The following LRRC7 variants were observed in gnomAD, a reference collection of about 807,000 sequenced individuals.
LRRC7 encodes leucine-rich repeat-containing protein 7.
A neutral mutation model predicts 175.7 loss-of-function variants in LRRC7; 23 were observed. The ratio of observed to expected loss-of-function variants is 0.13; its 90% CI spans 0.09 to 0.19. LRRC7 has a LOEUF of 0.19. LRRC7 is among the 10% of genes least tolerant of loss of function. The probability of loss-of-function intolerance (pLI) is 1.00; values close to 1 mark genes in which losing one functional copy is unlikely to be tolerated. For missense variants in LRRC7, 1,354 were observed against 1,904.7 expected (o/e 0.71, Z 5.38); for synonymous variants, 685 against 680.9 (o/e 1.01, Z -0.09).
chr1:69,636,424 G>GACACACAC (rs55772671), intron 1 of LRRC7, among the ~76,000 whole-genome samples: 42 of 150,702 alleles, frequency 2.8e-4, no homozygotes, highest in African/African-American at 8.5e-4. Context: ...TCCAGGCACA[G>GACACACAC]ACACACACAC....
chr1:69,900,156 A>G (rs1646094329), intron 7 of LRRC7, among the ~76,000 whole-genome samples: 1 of 152,222 alleles, frequency 6.6e-6, no homozygotes, highest in Non-Finnish European at 1.5e-5. Flanking sequence ...CCTGCAGGCT[A>G]TCAGCTGCAA....
chr1:69,730,914 T>A (rs1452082446), intron 2 of LRRC7, among the ~76,000 whole-genome samples: 2 of 152,080 alleles, frequency 1.3e-5, no homozygotes, highest in Admixed American at 6.5e-5. Flanking sequence ...CTCAGAAAAC[T>A]TACAATCATA....
At chr1:69,738,759 G>C (rs2100844666) in intron 2 of LRRC7, among the ~76,000 whole-genome samples, 1 of 152,142 alleles carries the variant, frequency 6.6e-6, no homozygotes, top group Non-Finnish European at 1.5e-5. Context: ...CACAGAAAGA[G>C]CTAAACTGCT....
At chr1:69,572,827 CT>C (rs1645791778) in intron 1 of LRRC7, among the ~76,000 whole-genome samples, 1 of 151,920 alleles carries the variant, frequency 6.6e-6, no homozygotes, top group Non-Finnish European at 1.5e-5. Flanking sequence ...GAAGTATAAA[CT>C]TTTTTGTATA....
intron 16 of LRRC7, among the ~76,000 whole-genome samples, chr1:70,021,871 C>T (rs1657538570): frequency 6.6e-6 from 1 of 152,098 alleles, no homozygotes; most frequent in African/African-American, 2.4e-5. Flanking sequence ...CATCTTGAAT[C>T]TCTCATTTAC....
chr1:69,662,239 A>G (rs1657576630), intron 1 of LRRC7, among the ~76,000 whole-genome samples: 1 of 151,396 alleles, frequency 6.6e-6, no homozygotes, highest in African/African-American at 2.4e-5. Context: ...TAGGGCATAC[A>G]TTTATTGCTA....
intron 26 of LRRC7, among the ~76,000 whole-genome samples, chr1:70,115,355 T>C (rs1665781940): frequency 6.6e-6 from 1 of 152,182 alleles, no homozygotes; most frequent in African/African-American, 2.4e-5. Flanking sequence ...GTGATAGTTT[T>C]TGTTATCGTT....
At chr1:70,119,686 G>A (rs1027750761) in intron 26 of LRRC7, among the ~76,000 whole-genome samples, 1 of 139,580 alleles carries the variant, frequency 7.2e-6, no homozygotes, top group East Asian at 2.1e-4. Flanking sequence ...ACGATGTCAA[G>A]TATGATGATG....
intron 17 of LRRC7, among the ~76,000 whole-genome samples, chr1:70,025,841 G>T (rs76124331): frequency 7.2e-6 from 1 of 139,630 alleles, no homozygotes; most frequent in South Asian, 2.7e-4. Flanking sequence ...AGGGGGGGGG[G>T]GTCCTCTTTC....
intron 1 of LRRC7, among the ~76,000 whole-genome samples, chr1:69,649,251 T>A (rs1343916450): frequency 1.3e-5 from 2 of 152,212 alleles, no homozygotes; most frequent in East Asian, 3.9e-4. Context: ...TAGTAACTTA[T>A]TTACTTCATA....
Position 69,838,236 on chromosome 1 carries a change from A to G in LRRC7, c.600A>G (p.Lys200=), listed in dbSNP as rs560214067. The change falls in exon 7 of 27, where the codon AAA becomes AAG. Residue 200 remains lysine, a synonymous_variant. Transcript: ENST00000651989. ...FLPANFGRLV[K]LRILELRENH... ...AAATTCATTTCTGTAGACTTGTCAA[A>G]TTGCGGATCTTGGAGTTAAGAGAAA... 1.2e-6 allele frequency: 2 copies of G among 1,608,794 alleles called. No homozygotes were observed. The highest frequency in any genetic ancestry group is 1.7e-5 in the Admixed American group (1 of 59,704).
At chr1:69,640,187 A>G (rs1036522596) in intron 1 of LRRC7, among the ~76,000 whole-genome samples, 1 of 151,788 alleles carries the variant, frequency 6.6e-6, no homozygotes, top group Non-Finnish European at 1.5e-5. Context: ...GGTACCAGAT[A>G]ACATCCATTT....
chr1:69,608,195 T>C (rs973920923), intron 1 of LRRC7: 30 of 152,382 alleles, frequency 2.0e-4, no homozygotes, highest in African/African-American at 7.2e-4. Context: ...GCATAGCATA[T>C]CTACAAAAAA....
intron 1 of LRRC7, among the ~76,000 whole-genome samples, chr1:69,618,761 C>T (rs1354838241): frequency 6.6e-6 from 1 of 152,152 alleles, no homozygotes; most frequent in Non-Finnish European, 1.5e-5. Flanking sequence ...GATATTTTCT[C>T]ATCACTTCGC....
intron 11 of LRRC7, 99 bp downstream of exon 11, chr1:69,994,732 A>G: frequency 1.4e-6 from 1 of 717,970 alleles, no homozygotes; most frequent in Non-Finnish European, 2.4e-6. Flanking sequence ...TAAAGATACC[A>G]ATAATCCTGT....
At chr1:69,904,423 G>A (rs908361761) in intron 7 of LRRC7, among the ~76,000 whole-genome samples, 4 of 151,864 alleles carry the variant, frequency 2.6e-5, no homozygotes, top group Admixed American at 6.6e-5. Flanking sequence ...TTATAAACTT[G>A]GAAATCACTC....
At chr1:69,881,075 A>G (rs956364825) in intron 7 of LRRC7, among the ~76,000 whole-genome samples, 1 of 152,232 alleles carries the variant, frequency 6.6e-6, no homozygotes. Flanking sequence ...TAAAATTTCT[A>G]AAATGTTATC....
chr1:69,918,802 A>C (rs754536692), intron 7 of LRRC7, among the ~76,000 whole-genome samples: 9 of 152,186 alleles, frequency 5.9e-5, no homozygotes, highest in Non-Finnish European at 1.2e-4. Flanking sequence ...AAATGAGATA[A>C]AATTAAAATA....
intron 7 of LRRC7, among the ~76,000 whole-genome samples, chr1:69,902,461 C>T: frequency 6.6e-6 from 1 of 152,074 alleles, no homozygotes; most frequent in Non-Finnish European, 1.5e-5. Context: ...GTCCCGGCTA[C>T]TCAAGAGACT....
Sources: allele counts gnomAD v4.1 joint callset (sites outside exome capture counted in the v4.1 genomes callset), GRCh38; gene constraint gnomAD v4.1.1; transcripts MANE v1.5; gene names NCBI Gene and HGNC (gene_info 2026-07-23, HGNC 2026-07-21).